The following PANK2 variants were observed in gnomAD, a reference collection of about 807,000 sequenced individuals.
PANK2 encodes the protein pantothenate kinase 2, mitochondrial.
A neutral mutation model predicts 43.1 loss-of-function variants in PANK2; 36 were observed. The ratio of observed to expected loss-of-function variants is 0.84; its 90% CI spans 0.64 to 1.10. PANK2 has a LOEUF of 1.10. Ranked by LOEUF, PANK2 falls within the 50% of genes least tolerant of loss-of-function variation. The probability of loss-of-function intolerance (pLI) is 0.00; values close to 1 mark genes in which losing one functional copy is unlikely to be tolerated. For missense variants in PANK2, 576 were observed against 593.3 expected, an observed-to-expected ratio of 0.97 and a Z score of 0.30; for synonymous variants, 281 against 238.2, an observed-to-expected ratio of 1.18 and a Z score of -1.66.
chr20:3,890,589 A>G (rs958684294), intron 1 of PANK2, among the ~76,000 whole-genome samples: 1 of 152,280 alleles, frequency 6.6e-6, no homozygotes, highest in Admixed American at 6.5e-5. Context: ...GTGTGATGCC[A>G]TTTTACATAT....
At chr20:3,903,417 G>A (rs1164657580) in intron 1 of PANK2, among the ~76,000 whole-genome samples, 1 of 149,464 alleles carries the variant, frequency 6.7e-6, no homozygotes, top group Non-Finnish European at 1.5e-5. Flanking sequence ...CAAAGTGCTG[G>A]AATTACAGGC....
chr20:3,889,849 C>G, intron 1 of PANK2, 121 bp downstream of exon 1: 1 of 1,534,648 alleles, frequency 6.5e-7, no homozygotes, highest in East Asian at 2.4e-5. Flanking sequence ...ACGGTGGTCC[C>G]TCGTTGGTGC....
chr20:3,905,350 CTTTTTTTT>C (rs34914526), intron 1 of PANK2, among the ~76,000 whole-genome samples: 1 of 134,400 alleles, frequency 7.4e-6, no homozygotes, highest in African/African-American at 2.8e-5. Context: ...GCTGCTATCT[CTTTTTTTT>C]TTTTTTTTTT....
chr20:3,891,762 A>C (rs1166367786), intron 1 of PANK2, among the ~76,000 whole-genome samples: 1 of 152,178 alleles, frequency 6.6e-6, no homozygotes, highest in Non-Finnish European at 1.5e-5. Flanking sequence ...TGACTCAAAG[A>C]CCACACTCAG....
intron 1 of PANK2, among the ~76,000 whole-genome samples, chr20:3,905,241 T>C (rs1056091251): frequency 2.0e-5 from 3 of 152,116 alleles, no homozygotes; most frequent in African/African-American, 7.2e-5. Context: ...AGAATACCCC[T>C]ACGTTCTCTC....
chr20:3,910,952 C>A, intron 3 of PANK2, 122 bp downstream of exon 3: 1 of 1,235,304 alleles, frequency 8.1e-7, no homozygotes, highest in Non-Finnish European at 1.2e-6. Context: ...ATTATGCAAA[C>A]AAATGTTTCT....
At chr20:3,896,944 G>A (rs948643832) in intron 1 of PANK2, among the ~76,000 whole-genome samples, 1 of 152,220 alleles carries the variant, frequency 6.6e-6, no homozygotes, top group Non-Finnish European at 1.5e-5. Flanking sequence ...TTGATCAGAA[G>A]TTCTGGAGGC....
intron 3 of PANK2, among the ~76,000 whole-genome samples, chr20:3,911,359 T>A (rs993311488): frequency 6.9e-6 from 1 of 145,312 alleles, no homozygotes; most frequent in Admixed American, 6.8e-5. Flanking sequence ...CTGGGGCGGG[T>A]GGATCATGAG....
intron 1 of PANK2, among the ~76,000 whole-genome samples, chr20:3,898,092 T>A (rs936190914): frequency 6.6e-6 from 1 of 152,216 alleles, no homozygotes; most frequent in Non-Finnish European, 1.5e-5. Context: ...TTTCCCTTCA[T>A]CTTACTAATT....
intron 1 of PANK2, among the ~76,000 whole-genome samples, chr20:3,905,138 A>C (rs6052161): frequency 0.52 from 78,722 of 151,304 alleles, 20,831 homozygotes; most frequent in East Asian, 0.66. Context: ...ACTTGTGCCA[A>C]ACACATTTCC....
At chr20:3,903,250 T>G (rs758008646) in intron 1 of PANK2, among the ~76,000 whole-genome samples, 8 of 151,392 alleles carry the variant, frequency 5.3e-5, no homozygotes, top group Non-Finnish European at 1.2e-4. Flanking sequence ...TGGGTTCAAG[T>G]GATTCTCCTG....
At position 3,912,639 on chromosome 20, in the gene PANK2, G is replaced by A; in HGVS notation, c.1082+5G>A. 1 of 1,613,694 alleles carries A rather than the reference G, an allele frequency of 6.2e-7. No individual in the cohort carries two copies. Among genetic ancestry groups the A allele is most frequent in the Middle Eastern group, 1.7e-4 (1 of 6,044 alleles). The stretch of plus-strand genomic sequence containing the variant: ...AGGCTGGGCTGTGGCTTCAAGGTAA[G>A]GGGGCATGTGTGTTCTAAGAAATAC... On this transcript the variant is annotated splice_donor_5th_base_variant and intron_variant, in intron 4 of 6. Coordinates refer to ENST00000610179, the MANE Select transcript of PANK2 (RefSeq NM_001386393.1).
chr20:3,896,898 C>G (rs972622235), intron 1 of PANK2, among the ~76,000 whole-genome samples: 3 of 152,092 alleles, frequency 2.0e-5, no homozygotes, highest in African/African-American at 7.2e-5. Context: ...TAATCCAAAC[C>G]AAAGAGGGGT....
At chr20:3,919,614 C>T (rs951666197) in intron 6 of PANK2, among the ~76,000 whole-genome samples, 1 of 152,162 alleles carries the variant, frequency 6.6e-6, no homozygotes, top group Admixed American at 6.5e-5. Flanking sequence ...TGCTCAACCT[C>T]ATAGCCTGTC....
At chr20:3,907,903 A>G in intron 1 of PANK2, 23 bp from the exon 2 acceptor site, 1 of 1,603,600 alleles carries the variant, frequency 6.2e-7, no homozygotes, top group Non-Finnish European at 8.5e-7. Context: ...AGCTGTTCTG[A>G]CTTATTTTTC....
chr20:3,893,931 G>GT lies in PANK2; in HGVS notation c.298+4222dup, dbSNP rs374582085. ...GGAGTTTTTTTTTTGTTTGTTTTTT[G>GT]TTTTTTTTTTTTTTTTTTTAGAGGA... is the stretch of plus-strand genomic sequence containing the variant. On this transcript the variant is annotated intron_variant, in intron 1 of 6. Coordinates refer to ENST00000610179, the MANE Select transcript of PANK2 (RefSeq NM_001386393.1). 8.4e-3 allele frequency among the ~76,000 whole-genome samples: 618 copies of GT among 73,156 alleles called. 8 individuals are homozygous for GT. The East Asian group carries it at 0.093, about 11-fold the overall frequency. The allele number at this position is 73,156 out of a possible 152,430, so 48.0% of individuals were successfully genotyped here.
chr20:3,894,529 C>T (rs911726643), intron 1 of PANK2, among the ~76,000 whole-genome samples: 3 of 152,210 alleles, frequency 2.0e-5, no homozygotes, highest in Non-Finnish European at 1.5e-5. Flanking sequence ...TGTGAGCCAC[C>T]GCACCTGGCC....
Position 3,903,466 on chromosome 20 carries a change from C to CTT in PANK2, c.299-4444_299-4443dup, listed in dbSNP as rs1258746977. On this transcript the variant is annotated intron_variant, in intron 1 of 6. Transcript: ENST00000610179. ...CCCGGCTTTTTTTTTTCTTCTTTTC[C>CTT]TTTTTTTTTTTTTTTTTGAGACTGA... 3.8e-3 allele frequency among the ~76,000 whole-genome samples: 447 copies of CTT among 117,468 alleles called. 2 individuals are homozygous for CTT. The highest frequency in any genetic ancestry group is 9.4e-3 in the East Asian group (38 of 4,048). The allele number at this position is 117,468 out of a possible 152,430, so 77.1% of individuals were successfully genotyped here.
intron 1 of PANK2, among the ~76,000 whole-genome samples, chr20:3,901,066 T>G (rs1334365138): frequency 1.3e-5 from 2 of 151,572 alleles, no homozygotes; most frequent in East Asian, 1.9e-4. Flanking sequence ...ATTTATTTAT[T>G]TATTTATTTA....
Sources: allele counts gnomAD v4.1 joint callset (sites outside exome capture counted in the v4.1 genomes callset), GRCh38; gene constraint gnomAD v4.1.1; transcripts MANE v1.5; gene names NCBI Gene and HGNC (gene_info 2026-07-23, HGNC 2026-07-21).